The following SMCHD1 variants were observed in gnomAD, a reference collection of about 807,000 sequenced individuals.
The protein encoded by SMCHD1 is structural maintenance of chromosomes flexible hinge domain-containing protein 1.
In SMCHD1, 78 loss-of-function variants were observed where a neutral mutation model predicts 254.7. That is an observed-to-expected ratio of 0.31 (90% confidence interval 0.26 to 0.37). The LOEUF is 0.37. Ranked by LOEUF, SMCHD1 falls within the 10% of genes least tolerant of loss-of-function variation. SMCHD1 has a pLI of 1.00. For missense variants in SMCHD1, 1,840 were observed against 2,408.1 expected, an observed-to-expected ratio of 0.76 and a Z score of 4.94; for synonymous variants, 766 against 794.9, an observed-to-expected ratio of 0.96 and a Z score of 0.61.
At chr18:2,738,189 A>G (rs2075285083) in intron 25 of SMCHD1, among the ~76,000 whole-genome samples, 1 of 152,136 alleles carries the variant, frequency 6.6e-6, no homozygotes, top group African/African-American at 2.4e-5. Flanking sequence ...TATCTCACTA[A>G]AAAAATAGGG....
chr18:2,733,920 C>G (rs141616498), intron 25 of SMCHD1, among the ~76,000 whole-genome samples: 7 of 152,264 alleles, frequency 4.6e-5, no homozygotes, highest in African/African-American at 7.2e-5. Context: ...TTCATAGACT[C>G]TTAGTACGGA....
At chr18:2,710,931 G>GTTTTTTCC (rs71365195) in intron 17 of SMCHD1, among the ~76,000 whole-genome samples, 44,599 of 151,776 alleles carry the variant, frequency 0.29, 6,770 homozygotes, top group East Asian at 0.5. Flanking sequence ...AATTATGTAG[G>GTTTTTTCC]TTTATTCTCT....
intron 13 of SMCHD1, 38 bp from the exon 14 acceptor site, chr18:2,705,656 T>C (rs2074496567): frequency 1.9e-6 from 2 of 1,051,356 alleles, no homozygotes; most frequent in Non-Finnish European, 2.8e-6. Flanking sequence ...TAAATCTTAA[T>C]ACTGAAGCTT....
chr18:2,703,674 C>T lies in SMCHD1; in HGVS notation c.1648-18C>T. 1 of 1,587,334 alleles carries T rather than the reference C, an allele frequency of 6.3e-7. No individual in the cohort carries two copies. Among genetic ancestry groups the T allele is most frequent in the Non-Finnish European group, 8.6e-7 (1 of 1,168,374 alleles). ...TTGCTAGTAGCTATATTTCATAAAA[C>T]ATTTTAAAATTCTACAGGAACAGCG... On this transcript the variant is annotated intron_variant, in intron 12 of 47. Transcript: ENST00000320876.
rs933062946 is a variant in SMCHD1 at position 2,750,585 on chromosome 18, G to T, written c.4165+78G>T. On this transcript the variant is annotated intron_variant, in intron 32 of 47. Transcript: ENST00000320876. ...TTAGTGGAATAAATTACTTATCCTAGGTTAAGTGTGCTCAGTCTAATGTAG... is the reference window on the plus strand; with the variant it reads ...TTAGTGGAATAAATTACTTATCCTATGTTAAGTGTGCTCAGTCTAATGTAG... 2.3e-5 allele frequency: 28 copies of T among 1,231,980 alleles called. No homozygotes were observed. In the African/African-American group the frequency reaches 3.8e-4, roughly 17 times the overall value. 76.3% of individuals were successfully genotyped at this position (1,231,980 alleles called of 1,614,324 possible).
Position 2,688,558 on chromosome 18 carries a change from G to C in SMCHD1, c.753+50G>C, listed in dbSNP as rs763864925. 8 of 1,589,940 alleles carry C rather than the reference G, an allele frequency of 5.0e-6. No individual in the cohort carries two copies. In the Admixed American group the frequency reaches 1.4e-4, roughly 27 times the overall value. On this transcript the variant is annotated intron_variant, in intron 6 of 47. Transcript: ENST00000320876. ...TGAAAGTTGATCAAAATATTTTGAA[G>C]TTGACTCTGTCTAAATGCATTAACC...
rs1447905279 is a variant in SMCHD1, at chr18:2,677,521, C to T, written c.638+3376C>T. 2.6e-5 allele frequency among the ~76,000 whole-genome samples: 4 copies of T among 152,172 alleles called. No individual in the cohort carries two copies. The East Asian group carries it at 7.7e-4, about 29-fold the overall frequency. ...AGTAGTTTGAGTTAAAATTGTGCAACCATCACCACTAATTCCAGAATATTT... is the reference window on the plus strand; with the variant it reads ...AGTAGTTTGAGTTAAAATTGTGCAATCATCACCACTAATTCCAGAATATTT... On this transcript the variant is annotated intron_variant, in intron 5 of 47. Coordinates refer to ENST00000320876, the MANE Select transcript of SMCHD1 (RefSeq NM_015295.3).
At chr18:2,692,296 C>T (rs2143094572) in intron 7 of SMCHD1, among the ~76,000 whole-genome samples, 1 of 152,280 alleles carries the variant, frequency 6.6e-6, no homozygotes, top group South Asian at 2.1e-4. Flanking sequence ...TGCCTGTAAT[C>T]CTAGCAGTTT....
At chr18:2,792,370 G>A (rs2143845413) in intron 45 of SMCHD1, among the ~76,000 whole-genome samples, 1 of 152,330 alleles carries the variant, frequency 6.6e-6, no homozygotes, top group South Asian at 2.1e-4. Flanking sequence ...ATATACCCTA[G>A]GAGCATTGTA....
At chr18:2,800,008 G>A (rs909436922) in intron 47 of SMCHD1, among the ~76,000 whole-genome samples, 7 of 152,060 alleles carry the variant, frequency 4.6e-5, no homozygotes, top group African/African-American at 1.2e-4. Context: ...TTGCGTTCAC[G>A]TTTGATTGAG....
At chr18:2,734,312 C>T (rs893603176) in intron 25 of SMCHD1, among the ~76,000 whole-genome samples, 7 of 152,142 alleles carry the variant, frequency 4.6e-5, no homozygotes, top group African/African-American at 1.4e-4. Context: ...GCTTCCATTT[C>T]CTCCTCTCTT....
At position 2,703,882 on chromosome 18, in the gene SMCHD1, A is replaced by G; in HGVS notation, c.1838A>G (p.Gln613Arg). Residue 613 changes from glutamine (Q) to arginine (R), a missense_variant, in exon 13 of 48, where the codon CAG becomes CGG. This residue lies in a region of SMCHD1 where 498 missense variants were observed against 743.5 expected (regional missense o/e 0.67). Transcript: ENST00000320876. ...GATGGAAAGATATACAAAGCAGGACAGCTGGTAGGTTTAACTTATTGTCAC... is the reference window on the plus strand; with the variant it reads ...GATGGAAAGATATACAAAGCAGGACGGCTGGTAGGTTTAACTTATTGTCAC... ...EWDGKIYKAG[Q>R]LVKTIKTLPL... is the part of the protein sequence containing the mutation. 6.4e-7 allele frequency: 1 copy of G among 1,569,922 alleles called. No individual in the cohort carries two copies. Among genetic ancestry groups the G allele is most frequent in the Non-Finnish European group, 8.6e-7 (1 of 1,163,232 alleles).
chr18:2,766,803 C>T (rs985848880), intron 37 of SMCHD1, among the ~76,000 whole-genome samples: 19 of 152,032 alleles, frequency 1.2e-4, no homozygotes, highest in African/African-American at 3.4e-4. Context: ...GCCAAATTTC[C>T]GTTTATACTT....
chr18:2,751,221 A>T, intron 32 of SMCHD1, 57 bp from the exon 33 acceptor site: 1 of 911,860 alleles, frequency 1.1e-6, no homozygotes, highest in Non-Finnish European at 1.7e-6. Flanking sequence ...ACAATTATTT[A>T]ACCATATCCA....
intron 34 of SMCHD1, among the ~76,000 whole-genome samples, chr18:2,759,569 C>CTTTTTTTTTT (rs763885639): frequency 1.6e-4 from 6 of 36,984 alleles, no homozygotes; most frequent in Admixed American, 9.3e-4. Flanking sequence ...TTTTAATTCT[C>CTTTTTTTTTT]TCTTTTTTTT....
chr18:2,777,064 C>CT (rs1377005441), intron 42 of SMCHD1, among the ~76,000 whole-genome samples: 1 of 67,388 alleles, frequency 1.5e-5, no homozygotes, highest in African/African-American at 3.2e-5. Context: ...CCACCACCTC[C>CT]CCCCCCCATA....
Position 2,703,727 on chromosome 18 carries a change from G to A in SMCHD1, c.1683G>A (p.Leu561=). 6.2e-7 allele frequency: 1 copy of A among 1,609,324 alleles called. No individual in the cohort carries two copies. The highest frequency in any genetic ancestry group is 8.5e-7 in the Non-Finnish European group (1 of 1,178,432). ...QRMKIDREFA[L]WLKDCHEKYD... is the part of the protein sequence containing the mutation. Reference sequence around the variant, plus strand: ...TGAAAATTGACAGAGAATTTGCTTTGTGGCTGAAGGACTGTCATGAGAAGT... The same window carrying A: ...TGAAAATTGACAGAGAATTTGCTTTATGGCTGAAGGACTGTCATGAGAAGT... Residue 561 remains leucine, a synonymous_variant, in exon 13 of 48, where the codon TTG becomes TTA. Transcript: ENST00000320876.
At chr18:2,752,341 A>G (rs1435651968) in intron 33 of SMCHD1, 147 bp from the exon 34 acceptor site, 2 of 630,414 alleles carry the variant, frequency 3.2e-6, no homozygotes, top group African/African-American at 3.8e-5. Flanking sequence ...TTATGAAGAT[A>G]TAAACGTGTG....
At position 2,707,584 on chromosome 18, in the gene SMCHD1, A is replaced by C; in HGVS notation, c.2085A>C (p.Val695=). 13 of 1,607,906 alleles carry C rather than the reference A, an allele frequency of 8.1e-6. No individual in the cohort carries two copies. Among genetic ancestry groups the C allele is most frequent in the Non-Finnish European group, 1.1e-5 (13 of 1,176,394 alleles). Residue 695 remains valine, a synonymous_variant, in exon 16 of 48, where the codon GTA becomes GTC. Transcript: ENST00000320876. ...ACAGGCTCCCTGATAGATTGTCAGTAACTTGGCCTGAAGGAGATGAATTAT... is the reference window on the plus strand; with the variant it reads ...ACAGGCTCCCTGATAGATTGTCAGTCACTTGGCCTGAAGGAGATGAATTAT... The part of the protein sequence containing the change: ...EMARLPDRLS[V]TWPEGDELLP...
Sources: gnomAD v4.1 joint callset for allele counts (sites outside exome capture counted in the v4.1 genomes callset) on GRCh38, gnomAD v4.1.1 for gene constraint, gnomAD v4.1.1 regional missense constraint, MANE v1.5 for transcripts, NCBI Gene and HGNC (gene_info 2026-07-23, HGNC 2026-07-21) for gene names.